Variants in FERRY3 observed in about 807,000 individuals in gnomAD.
FERRY3 encodes the protein protein C12orf4.
the FERRY3 span, among the ~76,000 whole-genome samples, chr12:4,514,588 C>A: frequency 6.6e-6 from 1 of 151,760 alleles, no homozygotes; most frequent in Non-Finnish European, 1.5e-5. Flanking sequence ...AGTTCATGTC[C>A]TTTGTAGGGA....
the FERRY3 span, chr12:4,518,114 C>G: frequency 6.2e-7 from 1 of 1,613,970 alleles, no homozygotes. Context: ...AACCAGGCCA[C>G]AGAGAGATGT....
chr12:4,525,949 A>C, the FERRY3 span, among the ~76,000 whole-genome samples: 1 of 152,216 alleles, frequency 6.6e-6, no homozygotes, highest in African/African-American at 2.4e-5. Flanking sequence ...ATTTCAGCTT[A>C]AATGGATTTT....
At chr12:4,510,007 G>C in the FERRY3 span, among the ~76,000 whole-genome samples, 1 of 137,780 alleles carries the variant, frequency 7.3e-6, no homozygotes, top group Non-Finnish European at 1.5e-5. Context: ...AAAAAATTTA[G>C]AAGAATGTAT....
the FERRY3 span, among the ~76,000 whole-genome samples, chr12:4,535,314 C>A: frequency 6.6e-6 from 1 of 152,150 alleles, no homozygotes; most frequent in Non-Finnish European, 1.5e-5. This position sits in a 1 kb window ranked among gnomAD's most constrained non-coding sequence, Gnocchi z 4.0. Context: ...GGATGCAGCC[C>A]GAGAATTTGC....
At chr12:4,494,531 A>T in the FERRY3 span, among the ~76,000 whole-genome samples, 3 of 152,184 alleles carry the variant, frequency 2.0e-5, no homozygotes, top group Non-Finnish European at 2.9e-5. Context: ...AAGGGTTACG[A>T]TTGTCTTTTC....
the FERRY3 span, chr12:4,508,758 G>C: frequency 6.6e-6 from 1 of 151,780 alleles, no homozygotes; most frequent in East Asian, 1.9e-4. Flanking sequence ...AAAAAAAGGA[G>C]AAATAATAAA....
At chr12:4,490,899 T>C in the FERRY3 span, among the ~76,000 whole-genome samples, 1 of 152,194 alleles carries the variant, frequency 6.6e-6, no homozygotes. Flanking sequence ...GCTCTATTTT[T>C]TTTCTTTTTA....
the FERRY3 span, among the ~76,000 whole-genome samples, chr12:4,503,675 T>C: frequency 5.3e-5 from 8 of 152,310 alleles, no homozygotes; most frequent in African/African-American, 1.7e-4. Context: ...CCTGATTTGG[T>C]TGTAATACAG....
At chr12:4,531,959 G>A in the FERRY3 span, among the ~76,000 whole-genome samples, 8 of 152,082 alleles carry the variant, frequency 5.3e-5, no homozygotes, top group Admixed American at 3.9e-4. Flanking sequence ...GCAGGACCAG[G>A]GGAAAGCAAA....
the FERRY3 span, among the ~76,000 whole-genome samples, chr12:4,517,540 C>A: frequency 2.0e-5 from 3 of 151,174 alleles, no homozygotes; most frequent in South Asian, 6.2e-4. Context: ...ATTTAAGCTT[C>A]TTTCAAAAAC....
chr12:4,493,034 T>C, the FERRY3 span, among the ~76,000 whole-genome samples: 74 of 152,320 alleles, frequency 4.9e-4, no homozygotes, highest in African/African-American at 1.6e-3. Context: ...CTACCTACAA[T>C]GCCCTTCTCG....
the FERRY3 span, among the ~76,000 whole-genome samples, chr12:4,531,917 G>A: frequency 6.6e-6 from 1 of 152,068 alleles, no homozygotes; most frequent in African/African-American, 2.4e-5. Flanking sequence ...TCTTTACTGT[G>A]GAGTCCCAAT....
chr12:4,520,791 T>A, the FERRY3 span, among the ~76,000 whole-genome samples: 22 of 152,172 alleles, frequency 1.4e-4, no homozygotes, highest in African/African-American at 5.1e-4. Context: ...AAAAGTTTTT[T>A]AAAAATAAAG....
At chr12:4,498,239 C>A in the FERRY3 span, among the ~76,000 whole-genome samples, 5 of 152,156 alleles carry the variant, frequency 3.3e-5, no homozygotes, top group Non-Finnish European at 7.3e-5. Flanking sequence ...CTACATATAA[C>A]CATTTTTATA....
chr12:4,513,587 C>G, the FERRY3 span, among the ~76,000 whole-genome samples: 1 of 151,924 alleles, frequency 6.6e-6, no homozygotes, highest in East Asian at 1.9e-4. Context: ...AGAAATAACG[C>G]CACATATCTA....
the FERRY3 span, among the ~76,000 whole-genome samples, chr12:4,493,111 C>A: frequency 6.6e-6 from 1 of 152,124 alleles, no homozygotes; most frequent in Non-Finnish European, 1.5e-5. Flanking sequence ...CTCCTCCATA[C>A]AGTATTTCCT....
At chr12:4,497,213 C>T in the FERRY3 span, among the ~76,000 whole-genome samples, 1 of 152,148 alleles carries the variant, frequency 6.6e-6, no homozygotes, top group Non-Finnish European at 1.5e-5. Context: ...AATGAACAAT[C>T]TATAACCATG....
chr12:4,504,538 TAAATG>T, the FERRY3 span, among the ~76,000 whole-genome samples: 1 of 152,122 alleles, frequency 6.6e-6, no homozygotes. Flanking sequence ...GAAAATAAAA[TAAATG>T]AGATGATCCA....
At chr12:4,517,012 C>T in the FERRY3 span, 8 of 1,347,916 alleles carry the variant, frequency 5.9e-6, no homozygotes, top group Non-Finnish European at 7.8e-6. Context: ...GATCCACATA[C>T]TATTACAGTG....
Sources: allele counts gnomAD v4.1 joint callset (sites outside exome capture counted in the v4.1 genomes callset), GRCh38; gene constraint gnomAD v4.1.1; non-coding constraint Gnocchi (gnomAD v3.1); transcripts MANE v1.5; gene names NCBI Gene and HGNC (gene_info 2026-07-23, HGNC 2026-07-21).